PCDH15: variants seen among roughly 807,000 people sequenced by gnomAD.
PCDH15 encodes protocadherin-15.
Under a neutral mutation model 178.5 loss-of-function variants are expected in PCDH15, and 129 were observed. The ratio of observed to expected loss-of-function variants is 0.72; its 90% confidence interval spans 0.63 to 0.84. The LOEUF (loss-of-function observed/expected upper bound fraction) is 0.84. Ranked by LOEUF, PCDH15 falls within the 40% of genes least tolerant of loss-of-function variation. PCDH15 has a pLI of 0.00. For synonymous variants in PCDH15, 800 were observed against 732.0 expected (o/e 1.09, Z -1.50); for missense variants, 2,230 against 2,099.9 (o/e 1.06, Z -1.21).
intron 14 of PCDH15, among the ~76,000 whole-genome samples, chr10:54,137,353 G>T (rs2042994987): frequency 6.6e-6 from 1 of 152,028 alleles, no homozygotes; most frequent in Admixed American, 6.5e-5. Flanking sequence ...GGTAATAAAG[G>T]TCAAAGTAGC....
intron 26 of PCDH15, among the ~76,000 whole-genome samples, chr10:53,892,321 G>A (rs149225157): frequency 4.6e-5 from 7 of 151,962 alleles, no homozygotes; most frequent in African/African-American, 7.2e-5. Flanking sequence ...CACTGGGACC[G>A]GCCTCATCGA....
chr10:55,552,576 A>C (rs190034495), intron 2 of PCDH15, among the ~76,000 whole-genome samples: 191 of 151,566 alleles, frequency 1.3e-3, no homozygotes, highest in Non-Finnish European at 2.0e-3. Context: ...ATACTTTTAG[A>C]ACAAGTAGTT....
intron 3 of PCDH15, among the ~76,000 whole-genome samples, chr10:54,514,605 T>A (rs1285361308): frequency 6.6e-6 from 1 of 151,770 alleles, no homozygotes; most frequent in Non-Finnish European, 1.5e-5. Context: ...TAGCTGGAAT[T>A]TTGAAATTGG....
intron 2 of PCDH15, among the ~76,000 whole-genome samples, chr10:55,159,000 C>G (rs1838978654): frequency 6.6e-6 from 1 of 151,840 alleles, no homozygotes; most frequent in African/African-American, 2.4e-5. Context: ...TTGCAACAAA[C>G]CTACGCAGTG....
Position 54,665,732 on chromosome 10 carries a change from T to C in PCDH15, c.-28-1442A>G, listed in dbSNP as rs371628516. On this transcript the variant is annotated intron_variant, in intron 1 of 37. Coordinates refer to ENST00000644397, the MANE Select transcript of PCDH15 (RefSeq NM_001384140.1). ...TTCTTCTTTGTTTCTTTATCTAAGA[T>C]ATAAAAGGAGCTGCCTTCTTTTTAA... Among the ~76,000 whole-genome samples, 24 of 152,132 alleles carry C rather than the reference T, an allele frequency of 1.6e-4. No homozygotes were observed. The East Asian group carries it at 3.7e-3, about 23-fold the overall frequency.
At chr10:53,958,718 C>T (rs1435736918) in intron 23 of PCDH15, among the ~76,000 whole-genome samples, 3 of 152,168 alleles carry the variant, frequency 2.0e-5, no homozygotes, top group South Asian at 2.1e-4. Context: ...CAGTGCCTCA[C>T]GCCTGTAATC....
intron 2 of PCDH15, among the ~76,000 whole-genome samples, chr10:55,008,904 A>C (rs1452282220): frequency 6.6e-6 from 1 of 152,038 alleles, no homozygotes; most frequent in Non-Finnish European, 1.5e-5. Flanking sequence ...AAACAAAAAC[A>C]AAAACAAAAA....
At chr10:53,859,798 A>G (rs1257417442) in intron 27 of PCDH15, among the ~76,000 whole-genome samples, 2 of 152,148 alleles carry the variant, frequency 1.3e-5, no homozygotes, top group Non-Finnish European at 2.9e-5. Context: ...CAAATATGAT[A>G]TATGATGTGA....
chr10:53,942,040 A>C (rs996767614), intron 23 of PCDH15, among the ~76,000 whole-genome samples: 3 of 152,174 alleles, frequency 2.0e-5, no homozygotes, highest in Admixed American at 1.3e-4. Flanking sequence ...AGGCTTTATA[A>C]ATATCTGGTC....
At chr10:54,740,411 C>T (rs1944629708) in intron 1 of PCDH15, among the ~76,000 whole-genome samples, 1 of 151,684 alleles carries the variant, frequency 6.6e-6, no homozygotes, top group African/African-American at 2.4e-5. Context: ...ATGTGACCCT[C>T]CTACATTCTT....
chr10:55,362,157 TAA>T (rs1485664777), intron 2 of PCDH15, among the ~76,000 whole-genome samples: 1 of 152,024 alleles, frequency 6.6e-6, no homozygotes, highest in Non-Finnish European at 1.5e-5. Context: ...ACTTACTTAA[TAA>T]AAGAGAAAAA....
In PCDH15 at chr10:54,286,816, C is replaced by T. The variant is rs575633584; in HGVS notation, c.876+30455G>A. Among the ~76,000 whole-genome samples, 105 of 152,134 alleles carry T rather than the reference C, an allele frequency of 6.9e-4. 1 individual carries two copies. Among genetic ancestry groups the T allele is most frequent in the Non-Finnish European group, 6.8e-4 (46 of 67,986 alleles). ...AATTTTTGTATTTTTTTAGTAGAGA[C>T]GGGGTTTTGCCATGTTGGCCAGGCT... On this transcript the variant is annotated intron_variant, in intron 8 of 37. Transcript: ENST00000644397.
At chr10:54,799,294 T>C (rs968693545) in intron 1 of PCDH15, among the ~76,000 whole-genome samples, 6 of 152,122 alleles carry the variant, frequency 3.9e-5, no homozygotes, top group African/African-American at 1.2e-4. Flanking sequence ...ACACATACCA[T>C]GCAAAATTTA....
intron 3 of PCDH15, among the ~76,000 whole-genome samples, chr10:54,462,142 G>C (rs1016207049): frequency 1.3e-5 from 2 of 152,060 alleles, no homozygotes; most frequent in Non-Finnish European, 2.9e-5. Flanking sequence ...GTAGCTAGTA[G>C]TTATTTTTCA....
chr10:54,318,857 T>G (rs1305214220), intron 7 of PCDH15, among the ~76,000 whole-genome samples: 2 of 152,190 alleles, frequency 1.3e-5, no homozygotes, highest in African/African-American at 4.8e-5. Flanking sequence ...CTTCATCACC[T>G]GGCTGAGGCT....
intron 27 of PCDH15, among the ~76,000 whole-genome samples, chr10:53,863,235 G>A (rs1312804379): frequency 6.6e-6 from 1 of 152,158 alleles, no homozygotes; most frequent in Non-Finnish European, 1.5e-5. Context: ...AAGTCAGTGA[G>A]TGCAGATAGA....
intron 18 of PCDH15, among the ~76,000 whole-genome samples, chr10:54,047,543 T>C (rs568906530): frequency 5.4e-4 from 82 of 152,024 alleles, no homozygotes; most frequent in Non-Finnish European, 9.6e-4. Flanking sequence ...GTTGTTTTTT[T>C]CAGTTTTCAA....
At chr10:54,906,676 T>G (rs1339012344) in intron 2 of PCDH15, among the ~76,000 whole-genome samples, 1 of 151,890 alleles carries the variant, frequency 6.6e-6, no homozygotes. Flanking sequence ...GGAGAGAGAG[T>G]GCCCAACATT....
chr10:53,859,573 C>T (rs1450902264), intron 27 of PCDH15, among the ~76,000 whole-genome samples: 1 of 152,016 alleles, frequency 6.6e-6, no homozygotes, highest in Non-Finnish European at 1.5e-5. Flanking sequence ...TCCACTGTCT[C>T]TTATTTCCCT....
Sources: gnomAD v4.1 joint callset for allele counts (sites outside exome capture counted in the v4.1 genomes callset) on GRCh38, gnomAD v4.1.1 for gene constraint, MANE v1.5 for transcripts, NCBI Gene and HGNC (gene_info 2026-07-23, HGNC 2026-07-21) for gene names.